CC2D2B: variants seen among roughly 807,000 people sequenced by gnomAD.
CC2D2B encodes the protein protein CC2D2B.
Under a neutral mutation model 161.2 loss-of-function variants are expected in CC2D2B, and 128 were observed. The ratio of observed to expected loss-of-function variants is 0.79; its 90% confidence interval spans 0.69 to 0.92. The LOEUF (loss-of-function observed/expected upper bound fraction) is 0.92. Ranked by LOEUF, CC2D2B falls within the 40% of genes least tolerant of loss-of-function variation. The pLI, the probability that CC2D2B is intolerant of heterozygous loss-of-function variation, is 0.00. For missense variants in CC2D2B, 1,173 were observed against 1,375.1 expected, an observed-to-expected ratio of 0.85 and a Z score of 2.32; for synonymous variants, 391 against 449.8, an observed-to-expected ratio of 0.87 and a Z score of 1.65.
At chr10:95,978,446 C>G (rs987484462) in intron 17 of CC2D2B, among the ~76,000 whole-genome samples, 7 of 152,218 alleles carry the variant, frequency 4.6e-5, no homozygotes, top group Admixed American at 1.3e-4. Context: ...CAGCCTCAAA[C>G]TCCAGGGCTC....
Position 96,012,351 on chromosome 10 carries a change from A to G in CC2D2B, c.3212A>G (p.Asn1071Ser). 1.4e-6 allele frequency: 1 copy of G among 695,666 alleles called. No individual in the cohort carries two copies. Among genetic ancestry groups the G allele is most frequent in the East Asian group, 2.7e-5 (1 of 37,126 alleles). The allele number at this position is 695,666 out of a possible 1,614,324, so 43.1% of individuals were successfully genotyped here. Reference sequence around the variant, plus strand: ...CCTCAAATATCATATGTCACCTGTAATCCAACACTAGATAAGGTAGGTTTT... The same window carrying G: ...CCTCAAATATCATATGTCACCTGTAGTCCAACACTAGATAAGGTAGGTTTT... Reference protein sequence around the residue: ...IEPQISYVTCNPTLDKFLDQT... With the variant: ...IEPQISYVTCSPTLDKFLDQT... Residue 1071 changes from asparagine (N) to serine (S), a missense_variant, in exon 27 of 35, where the codon AAT (asparagine) becomes AGT (serine). Transcript: ENST00000646931.
chr10:95,989,622 C>T (rs2141654217), intron 20 of CC2D2B, among the ~76,000 whole-genome samples: 1 of 152,206 alleles, frequency 6.6e-6, no homozygotes, highest in South Asian at 2.1e-4. Context: ...AGGAGAAGCC[C>T]AGGAGGGAGG....
intron 24 of CC2D2B, among the ~76,000 whole-genome samples, chr10:96,000,520 C>T (rs1366982539): frequency 2.6e-5 from 4 of 151,938 alleles, no homozygotes; most frequent in African/African-American, 9.7e-5. Flanking sequence ...CCTGCCACCA[C>T]GCCCAGCTAA....
chr10:95,999,979 C>G, intron 24 of CC2D2B: 1 of 812,890 alleles, frequency 1.2e-6, no homozygotes, highest in South Asian at 1.5e-5. Flanking sequence ...GCTCAATACA[C>G]ACATTAATTC....
chr10:96,005,718 T>A (rs921736119), intron 25 of CC2D2B, among the ~76,000 whole-genome samples: 3 of 152,164 alleles, frequency 2.0e-5, no homozygotes, highest in Non-Finnish European at 4.4e-5. Context: ...TTTCTAACGC[T>A]TGGCATGAAA....
At chr10:95,966,057 A>C (rs1456318234) in intron 13 of CC2D2B, 59 bp downstream of exon 13, 1 of 767,572 alleles carries the variant, frequency 1.3e-6, no homozygotes, top group African/African-American at 1.8e-5. Context: ...ATTTTTTGAT[A>C]GAATGTGAAA....
At position 96,019,812 on chromosome 10, in the gene CC2D2B, A is replaced by G. The variant is rs1423691214; in HGVS notation, c.3876A>G (p.Ile1292Met). ...LLPKNVQGTK[I>M]QSIQPEEIIY... ...CAAAAAACGTTCAAGGAACAAAAAT[A>G]CAAAGCATACAGGTAAATCATATTT... is the stretch of plus-strand genomic sequence containing the variant. Residue 1292 changes from isoleucine to methionine, a missense_variant, in exon 32 of 35, where the codon ATA becomes ATG. Ile to Met is a conservative substitution (Grantham distance 10). This residue lies in a region of CC2D2B where 598 missense variants were observed against 693.2 expected (regional missense o/e 0.86). Coordinates refer to ENST00000646931, the MANE Select transcript of CC2D2B (RefSeq NM_001349008.3). 1 of 1,605,142 alleles carries G rather than the reference A, an allele frequency of 6.2e-7. No homozygotes were observed. Among genetic ancestry groups the G allele is most frequent in the Admixed American group, 1.7e-5 (1 of 57,310 alleles).
At chr10:95,921,355 A>AT in intron 2 of CC2D2B, 1 of 152,308 alleles carries the variant, frequency 6.6e-6, no homozygotes, top group Non-Finnish European at 1.5e-5. Flanking sequence ...AAGTGCACAG[A>AT]TTCTCTCTTC....
intron 33 of CC2D2B, among the ~76,000 whole-genome samples, chr10:96,026,623 T>C (rs1427477939): frequency 1.3e-5 from 2 of 152,096 alleles, no homozygotes; most frequent in Non-Finnish European, 2.9e-5. Flanking sequence ...TCACACCCAG[T>C]AGGCAGCTGC....
At chr10:96,009,790 TTAAG>T (rs755670177) in intron 25 of CC2D2B, 31 bp from the exon 26 acceptor site, 22 of 959,234 alleles carry the variant, frequency 2.3e-5, no homozygotes, top group South Asian at 3.7e-5. Flanking sequence ...TCACATGATA[TTAAG>T]TAAGTAATAA....
At chr10:95,971,287 G>A (rs956256314) in intron 15 of CC2D2B, among the ~76,000 whole-genome samples, 1 of 151,700 alleles carries the variant, frequency 6.6e-6, no homozygotes, top group African/African-American at 2.4e-5. Flanking sequence ...TACTTGGGAG[G>A]CTGAGGCAGG....
intron 2 of CC2D2B, 136 bp from the exon 3 acceptor site, chr10:95,921,880 G>T (rs2098528105): frequency 2.1e-6 from 1 of 483,852 alleles, no homozygotes; most frequent in Non-Finnish European, 3.8e-6. Flanking sequence ...AACCAACATG[G>T]CACATGTATA....
At chr10:96,025,166 T>TATATAAAAAAAAAA (rs1564683697) in intron 33 of CC2D2B, among the ~76,000 whole-genome samples, 197 of 9,966 alleles carry the variant, frequency 0.02, 12 homozygotes, top group Admixed American at 0.028. Flanking sequence ...TATATATATA[T>TATATAAAAAAAAAA]ATATATATAT....
intron 2 of CC2D2B, among the ~76,000 whole-genome samples, chr10:95,918,702 C>T (rs1304634530): frequency 6.6e-6 from 1 of 152,132 alleles, no homozygotes; most frequent in Non-Finnish European, 1.5e-5. Flanking sequence ...ACTTTCTACT[C>T]CAGTCTCTCT....
chr10:95,992,431 T>A (rs1198014999), intron 21 of CC2D2B, 96 bp from the exon 22 acceptor site: 2 of 952,784 alleles, frequency 2.1e-6, no homozygotes, highest in East Asian at 6.6e-5. Context: ...AGAATATGGT[T>A]TAGAATAATG....
chr10:95,991,352 A>C lies in CC2D2B; in HGVS notation c.2380-18A>C. 2 of 822,366 alleles carry C rather than the reference A, an allele frequency of 2.4e-6. No individual in the cohort carries two copies. The highest frequency in any genetic ancestry group is 3.3e-6 in the Non-Finnish European group (2 of 614,234). 50.9% of individuals were successfully genotyped at this position (822,366 alleles called of 1,614,324 possible). A position where few individuals can be genotyped will look rare whatever the true frequency, so the allele number is the denominator to read the frequency against. ...ATATAAACAATACATTTTTTATTAA[A>C]TTCTAAATTTTTTTTAGGTGAGAAG... On this transcript the variant is annotated intron_variant, in intron 20 of 34. Transcript: ENST00000646931.
chr10:95,915,886 G>T (rs2098515424), intron 2 of CC2D2B, among the ~76,000 whole-genome samples: 1 of 152,020 alleles, frequency 6.6e-6, no homozygotes. Flanking sequence ...CACTTTGTCT[G>T]GTTTTAGTAT....
chr10:95,993,815 G>C (rs1456599686), intron 22 of CC2D2B, among the ~76,000 whole-genome samples: 1 of 142,486 alleles, frequency 7.0e-6, no homozygotes, highest in South Asian at 2.2e-4. Context: ...AATATATATA[G>C]AGTGTATATA....
At chr10:96,000,140 T>C (rs2078413183) in intron 24 of CC2D2B, 9 of 1,472,258 alleles carry the variant, frequency 6.1e-6, no homozygotes, top group Non-Finnish European at 8.1e-6. Context: ...ATATCACCTT[T>C]CTTATAGATT....
Sources: gnomAD v4.1 joint callset for allele counts (sites outside exome capture counted in the v4.1 genomes callset) on GRCh38, gnomAD v4.1.1 for gene constraint, gnomAD v4.1.1 regional missense constraint, MANE v1.5 for transcripts, NCBI Gene and HGNC (gene_info 2026-07-23, HGNC 2026-07-21) for gene names.